The following TAFA4 variants were observed in gnomAD, a reference collection of about 807,000 sequenced individuals.
TAFA4 encodes the protein chemokine-like protein TAFA-4.
Under a neutral mutation model 21.1 loss-of-function variants are expected in TAFA4, and 20 were observed. That is an observed-to-expected ratio of 0.95 (90% CI 0.67 to 1.38). TAFA4 has a LOEUF of 1.38. Ranked by LOEUF, TAFA4 falls within the 40% of genes most tolerant of loss-of-function variation. The probability of loss-of-function intolerance (pLI) is 0.00; values close to 1 mark genes in which losing one functional copy is unlikely to be tolerated. For missense variants in TAFA4, 211 were observed against 180.9 expected, an observed-to-expected ratio of 1.17 and a Z score of -0.95; for synonymous variants, 71 against 67.4, an observed-to-expected ratio of 1.05 and a Z score of -0.26.
chr3:68,785,284 C>A (rs1285158861), intron 3 of TAFA4, among the ~76,000 whole-genome samples: 2 of 152,260 alleles, frequency 1.3e-5, no homozygotes, highest in African/African-American at 2.4e-5. Flanking sequence ...GCAGGTGGAG[C>A]TGCCTGCCAG....
intron 3 of TAFA4, among the ~76,000 whole-genome samples, chr3:68,800,470 T>A (rs1703553576): frequency 6.6e-6 from 1 of 152,206 alleles, no homozygotes; most frequent in East Asian, 1.9e-4. Flanking sequence ...CTTACAGGGA[T>A]TCTATCCCAG....
At chr3:68,777,339 C>G (rs1032238819) in intron 3 of TAFA4, among the ~76,000 whole-genome samples, 3 of 152,032 alleles carry the variant, frequency 2.0e-5, no homozygotes, top group Admixed American at 2.0e-4. Flanking sequence ...CAGGGTAGCA[C>G]TGTCCAAGAA....
At position 68,758,501 on chromosome 3, in the gene TAFA4, G is replaced by A. The variant is rs1156761091; in HGVS notation, c.131-5483C>T. Among the ~76,000 whole-genome samples the A allele has an allele frequency of 1.3e-5, 2 of 152,168 alleles. 1 individual carries two copies. Among genetic ancestry groups the A allele is most frequent in the African/African-American group, 4.8e-5 (2 of 41,428 alleles). ...CTCTTGCCTGCTGCCACGTTAAGAC[G>A]TGACTTTGCTCCTCCTTCGCCTTCT... On this transcript the variant is annotated intron_variant, in intron 3 of 5. Transcript: ENST00000295569.
intron 3 of TAFA4, among the ~76,000 whole-genome samples, chr3:68,832,380 T>C (rs528770355): frequency 2.7e-4 from 41 of 152,110 alleles, no homozygotes; most frequent in Non-Finnish European, 5.1e-4. Context: ...GATGTCCTTT[T>C]TTGTTGATGT....
At chr3:68,781,595 T>C (rs2106797349) in intron 3 of TAFA4, among the ~76,000 whole-genome samples, 1 of 152,236 alleles carries the variant, frequency 6.6e-6, no homozygotes, top group Admixed American at 6.5e-5. Flanking sequence ...AGTATCTCTA[T>C]ATCAAATAAA....
At chr3:68,851,883 A>G (rs985766764) in intron 3 of TAFA4, among the ~76,000 whole-genome samples, 2 of 152,122 alleles carry the variant, frequency 1.3e-5, no homozygotes, top group African/African-American at 4.8e-5. Flanking sequence ...TTGAGATCAG[A>G]TCTATAGGAC....
In TAFA4 at chr3:68,923,073, G is replaced by C. The variant is rs191732737; in HGVS notation, c.-123+9167C>G. 3.7e-3 allele frequency among the ~76,000 whole-genome samples: 562 copies of C among 152,192 alleles called. 5 individuals carry two copies. Among genetic ancestry groups the C allele is most frequent in the African/African-American group, 0.013 (533 of 41,528 alleles). On this transcript the variant is annotated intron_variant, in intron 1 of 5. Coordinates refer to ENST00000295569, the MANE Select transcript of TAFA4 (RefSeq NM_182522.5). ...CTGACTCAGGATTCCATGAGGCCCA[G>C]CTCTCCCACTCCCCTTCCCCATACA...
At chr3:68,931,343 A>G (rs934172726) in intron 1 of TAFA4, among the ~76,000 whole-genome samples, 8 of 152,156 alleles carry the variant, frequency 5.3e-5, no homozygotes, top group Non-Finnish European at 1.2e-4. Context: ...GAACCCGTGC[A>G]TGTACATACT....
At chr3:68,897,122 G>A (rs1027842618) in intron 1 of TAFA4, among the ~76,000 whole-genome samples, 6 of 151,676 alleles carry the variant, frequency 4.0e-5, no homozygotes, top group South Asian at 2.1e-4. Flanking sequence ...GGCTGGTCTC[G>A]AACTCATGAC....
At chr3:68,741,844 C>CTTT (rs578260306) in intron 4 of TAFA4, among the ~76,000 whole-genome samples, 352 of 152,142 alleles carry the variant, frequency 2.3e-3, no homozygotes, top group African/African-American at 8.3e-3. Flanking sequence ...TCCAAAGAAT[C>CTTT]GAAGAAGAGA....
intron 4 of TAFA4, among the ~76,000 whole-genome samples, chr3:68,741,294 T>G (rs775041090): frequency 2.6e-5 from 4 of 152,368 alleles, no homozygotes; most frequent in South Asian, 4.1e-4. Context: ...GTTTCTTTCA[T>G]TAATGTCTTA....
chr3:68,814,104 C>T (rs1018042989), intron 3 of TAFA4, among the ~76,000 whole-genome samples: 2 of 152,118 alleles, frequency 1.3e-5, no homozygotes, highest in African/African-American at 4.8e-5. Context: ...AGGCCTTTGA[C>T]AAAATTCAAC....
chr3:68,867,323 A>C (rs1332811594), intron 3 of TAFA4, among the ~76,000 whole-genome samples: 1 of 152,146 alleles, frequency 6.6e-6, no homozygotes, highest in Non-Finnish European at 1.5e-5. Context: ...AGAATACTGC[A>C]CCCAGAAAAG....
At chr3:68,845,011 C>T (rs551238395) in intron 3 of TAFA4, among the ~76,000 whole-genome samples, 37 of 152,220 alleles carry the variant, frequency 2.4e-4, no homozygotes, top group Non-Finnish European at 4.1e-4. Flanking sequence ...TGGGGAGGAG[C>T]GTTCTGTAGA....
intron 1 of TAFA4, among the ~76,000 whole-genome samples, chr3:68,917,870 CCA>C (rs986183500): frequency 1.3e-5 from 2 of 151,938 alleles, no homozygotes; most frequent in Non-Finnish European, 2.9e-5. Context: ...ACTCTGACAC[CCA>C]GTTTGTGGAC....
At chr3:68,776,172 A>G (rs1366052013) in intron 3 of TAFA4, among the ~76,000 whole-genome samples, 1 of 152,188 alleles carries the variant, frequency 6.6e-6, no homozygotes, top group Non-Finnish European at 1.5e-5. Flanking sequence ...AAACCTAAAC[A>G]TAATAATAAT....
intron 4 of TAFA4, among the ~76,000 whole-genome samples, chr3:68,747,254 T>C (rs139680147): frequency 3.3e-5 from 5 of 152,004 alleles, no homozygotes; most frequent in African/African-American, 1.2e-4. Context: ...TTTCTCTCTC[T>C]CTCTCTCAAA....
intron 1 of TAFA4, among the ~76,000 whole-genome samples, chr3:68,906,373 T>C (rs1019167858): frequency 2.0e-5 from 3 of 152,234 alleles, no homozygotes; most frequent in Non-Finnish European, 4.4e-5. Flanking sequence ...AGGGACTCAG[T>C]ATGCAAATAA....
rs554075918 is a variant in TAFA4 at position 68,878,551 on chromosome 3, C to CAA, written c.130+2177_130+2178dup. Among the ~76,000 whole-genome samples, 1,089 of 148,700 alleles carry CAA rather than the reference C, an allele frequency of 7.3e-3. 9 individuals carry two copies. The highest frequency in any genetic ancestry group is 0.026 in the African/African-American group (1,041 of 40,560). ...GGGGAAATAAGGCACTGCTTACAGC[C>CAA]AAAAAAAAAGGAACAAAAGGACAAA... On this transcript the variant is annotated intron_variant, in intron 3 of 5. Coordinates refer to ENST00000295569, the MANE Select transcript of TAFA4 (RefSeq NM_182522.5).
Sources: allele counts gnomAD v4.1 joint callset (sites outside exome capture counted in the v4.1 genomes callset), GRCh38; gene constraint gnomAD v4.1.1; transcripts MANE v1.5; gene names NCBI Gene and HGNC (gene_info 2026-07-23, HGNC 2026-07-21).